The following GAP43 variants were observed in gnomAD, a reference collection of about 807,000 sequenced individuals.
GAP43 encodes the protein growth associated protein 43.
GAP43 carries 6 observed loss-of-function variants against 18.6 expected under a neutral mutation model. That is an observed-to-expected ratio of 0.32 (90% CI 0.18 to 0.64). The LOEUF (loss-of-function observed/expected upper bound fraction) is 0.64, where lower values mean the gene tolerates loss of function less well. GAP43 is among the 30% of genes least tolerant of loss of function. The probability of loss-of-function intolerance (pLI) is 0.78; values close to 1 mark genes in which losing one functional copy is unlikely to be tolerated. For synonymous variants in GAP43, 115 were observed against 111.4 expected (o/e 1.03, Z -0.20); for missense variants, 292 against 295.5 (o/e 0.99, Z 0.09).
At chr3:115,716,844 G>T (rs888482715) in intron 2 of GAP43, among the ~76,000 whole-genome samples, 1 of 141,156 alleles carries the variant, frequency 7.1e-6, no homozygotes. Context: ...CCATCTAATC[G>T]AGTTTCATCA....
chr3:115,669,270 G>A (rs976200369), intron 1 of GAP43, among the ~76,000 whole-genome samples: 1 of 151,740 alleles, frequency 6.6e-6, no homozygotes, highest in Admixed American at 6.6e-5. Flanking sequence ...TCTATAATTG[G>A]GGAATCATAT....
intron 1 of GAP43, among the ~76,000 whole-genome samples, chr3:115,645,288 T>C (rs1708444657): frequency 6.6e-6 from 1 of 151,982 alleles, no homozygotes; most frequent in African/African-American, 2.4e-5. Context: ...TGGTGCAGTA[T>C]CTCCAATATT....
intron 1 of GAP43, among the ~76,000 whole-genome samples, chr3:115,630,930 T>A (rs1379331193): frequency 6.6e-6 from 1 of 152,194 alleles, no homozygotes; most frequent in Non-Finnish European, 1.5e-5. Flanking sequence ...TTTGTTGAAG[T>A]AATAAATGTA....
At chr3:115,704,441 G>A (rs1056423080) in intron 2 of GAP43, among the ~76,000 whole-genome samples, 8 of 152,108 alleles carry the variant, frequency 5.3e-5, no homozygotes, top group African/African-American at 1.9e-4. Context: ...AATTTTAGAG[G>A]TCTCCACTTA....
intron 1 of GAP43, among the ~76,000 whole-genome samples, chr3:115,668,879 C>CA (rs1052622544): frequency 5.3e-5 from 8 of 151,874 alleles, no homozygotes; most frequent in Non-Finnish European, 1.5e-5. Flanking sequence ...TCCATCTCTA[C>CA]AAAAAATATA....
intron 1 of GAP43, chr3:115,663,981 C>A: frequency 4.1e-6 from 6 of 1,472,850 alleles, no homozygotes; most frequent in Non-Finnish European, 4.6e-6. Flanking sequence ...CTGCCACTTA[C>A]TAGCTGTATG....
chr3:115,623,572 G>T lies in GAP43; in HGVS notation c.-118G>T. On this transcript the variant is annotated 5_prime_UTR_variant, in exon 1 of 3. Transcript: ENST00000305124. ...AGAGAGGGAGGGAGGGAGAGAGAGC[G>T]CGCTAGCGCGAGAGAGCGAGTGAGC... 7.5e-7 allele frequency: 1 copy of T among 1,329,734 alleles called. No individual in the cohort carries two copies. Among genetic ancestry groups the T allele is most frequent in the Non-Finnish European group, 1.1e-6 (1 of 938,558 alleles). 82.4% of individuals were successfully genotyped at this position (1,329,734 alleles called of 1,614,324 possible).
At chr3:115,687,709 C>T (rs1184141060) in intron 2 of GAP43, among the ~76,000 whole-genome samples, 2 of 152,156 alleles carry the variant, frequency 1.3e-5, no homozygotes, top group African/African-American at 2.4e-5. Context: ...TCCCCTACAC[C>T]TCTACCAAAC....
At chr3:115,709,585 T>A (rs938183395) in intron 2 of GAP43, among the ~76,000 whole-genome samples, 5 of 152,200 alleles carry the variant, frequency 3.3e-5, no homozygotes, top group Non-Finnish European at 4.4e-5. Context: ...ATTGATCGTG[T>A]TCTAAAACAA....
intron 1 of GAP43, among the ~76,000 whole-genome samples, chr3:115,631,778 G>C (rs958639110): frequency 6.6e-6 from 1 of 152,056 alleles, no homozygotes; most frequent in South Asian, 2.1e-4. Context: ...ATGCCACCAC[G>C]CCTGGCTCAC....
In GAP43 at chr3:115,683,134, T is replaced by TGC. The variant is rs1221666580; in HGVS notation, c.628+6537_628+6538dup. Among the ~76,000 whole-genome samples, 236 of 105,608 alleles carry TGC rather than the reference T, an allele frequency of 2.2e-3. 2 individuals carry two copies. The highest frequency in any genetic ancestry group is 6.0e-3 in the African/African-American group (202 of 33,442). The allele number at this position is 105,608 out of a possible 152,430, so 69.3% of individuals were successfully genotyped here. ...TTCTCTACATACATGTGCGCGCGCG[T>TGC]GCGCGCGCGCGCGCACACACACACA... On this transcript the variant is annotated intron_variant, in intron 2 of 2. Coordinates refer to ENST00000305124, the MANE Select transcript of GAP43 (RefSeq NM_002045.4).
chr3:115,709,547 T>C (rs913544590), intron 2 of GAP43, among the ~76,000 whole-genome samples: 5 of 152,198 alleles, frequency 3.3e-5, no homozygotes, highest in African/African-American at 9.6e-5. Context: ...ACAATTAACA[T>C]TGACTTCCTA....
intron 1 of GAP43, among the ~76,000 whole-genome samples, chr3:115,626,631 T>G (rs1307591998): frequency 6.6e-6 from 1 of 152,170 alleles, no homozygotes; most frequent in African/African-American, 2.4e-5. Flanking sequence ...GATTAAAAAC[T>G]TGGCAAGGTG....
intron 2 of GAP43, among the ~76,000 whole-genome samples, chr3:115,689,542 GTTC>G (rs1229519519): frequency 6.6e-6 from 1 of 152,200 alleles, no homozygotes; most frequent in East Asian, 1.9e-4. Flanking sequence ...TTGCAGCCCA[GTTC>G]TTTGGAATTT....
intron 1 of GAP43, among the ~76,000 whole-genome samples, chr3:115,627,437 C>G (rs1235315795): frequency 6.6e-6 from 1 of 151,728 alleles, no homozygotes; most frequent in Non-Finnish European, 1.5e-5. Flanking sequence ...GGGCAGTACT[C>G]CTGTTCACCG....
In GAP43 at chr3:115,671,586, C is replaced by T. The variant is rs193225467; in HGVS notation, c.31-4427C>T. On this transcript the variant is annotated intron_variant, in intron 1 of 2. Coordinates refer to ENST00000305124, the MANE Select transcript of GAP43 (RefSeq NM_002045.4). ...GATTCCTGAAAAACTTATGGTAACT[C>T]GTAATGACACCCTTCCTACCTATAA... 1.1e-4 allele frequency among the ~76,000 whole-genome samples: 16 copies of T among 152,280 alleles called. 1 individual carries two copies. The highest frequency in any genetic ancestry group is 3.6e-4 in the African/African-American group (15 of 41,572).
chr3:115,640,338 T>C (rs1278844129), intron 1 of GAP43, among the ~76,000 whole-genome samples: 1 of 152,100 alleles, frequency 6.6e-6, no homozygotes, highest in Non-Finnish European at 1.5e-5. Flanking sequence ...CAGGCAAGTA[T>C]TCAGTATTGA....
At chr3:115,707,990 TACACACACACACAC>T (rs3086971) in intron 2 of GAP43, among the ~76,000 whole-genome samples, 8 of 147,010 alleles carry the variant, frequency 5.4e-5, no homozygotes, top group South Asian at 2.2e-4. Flanking sequence ...TATATCGGGA[TACACACACACACAC>T]ACACACACAC....
chr3:115,698,983 T>C (rs1291728826), intron 2 of GAP43, among the ~76,000 whole-genome samples: 3 of 152,082 alleles, frequency 2.0e-5, no homozygotes, highest in Non-Finnish European at 4.4e-5. Context: ...CATAAAGGGC[T>C]GTGTTTCATC....
Sources: gnomAD v4.1 joint callset for allele counts (sites outside exome capture counted in the v4.1 genomes callset) on GRCh38, gnomAD v4.1.1 for gene constraint, MANE v1.5 for transcripts, NCBI Gene and HGNC (gene_info 2026-07-23, HGNC 2026-07-21) for gene names.